Variants in NTM observed in about 807,000 individuals in gnomAD.
NTM encodes neurotrimin, also known as IgLON family member 2.
NTM carries 13 observed loss-of-function variants against 42.1 expected under a neutral mutation model. The ratio of observed to expected loss-of-function variants is 0.31; its 90% confidence interval spans 0.20 to 0.49. NTM has a LOEUF of 0.49. Ranked by LOEUF, NTM falls within the 20% of genes least tolerant of loss-of-function variation. The pLI is 0.99. For synonymous variants in NTM, 187 were observed against 179.2 expected (o/e 1.04, Z -0.35); for missense variants, 373 against 452.8 (o/e 0.82, Z 1.60).
intron 1 of NTM, among the ~76,000 whole-genome samples, chr11:131,746,056 C>T (rs971933694): frequency 2.0e-5 from 3 of 152,116 alleles, no homozygotes; most frequent in African/African-American, 7.2e-5. Flanking sequence ...GTTCCCAACC[C>T]TCAGCCTGGC....
chr11:131,876,234 G>C (rs1051464608), intron 1 of NTM, among the ~76,000 whole-genome samples: 11 of 152,164 alleles, frequency 7.2e-5, no homozygotes, highest in African/African-American at 2.7e-4. Flanking sequence ...CAGCTGTGTG[G>C]GTGCCTGTGT....
intron 1 of NTM, among the ~76,000 whole-genome samples, chr11:131,464,619 C>T (rs928837763): frequency 3.3e-5 from 5 of 152,184 alleles, no homozygotes; most frequent in African/African-American, 9.7e-5. Context: ...TCTACATACT[C>T]AGGCAGTCTG....
chr11:132,143,385 G>A (rs1850113971), intron 2 of NTM, among the ~76,000 whole-genome samples: 1 of 152,186 alleles, frequency 6.6e-6, no homozygotes, highest in African/African-American at 2.4e-5. Context: ...CTGATGCACA[G>A]TGAATTTGAG....
intron 1 of NTM, among the ~76,000 whole-genome samples, chr11:131,776,642 C>T (rs116842273): frequency 0.014 from 2,089 of 152,018 alleles, 15 homozygotes; most frequent in Non-Finnish European, 0.02. Context: ...GTTAGGGTAA[C>T]GTTAGCTGCT....
chr11:131,398,474 A>AT (rs1168669577), intron 1 of NTM, among the ~76,000 whole-genome samples: 1 of 151,798 alleles, frequency 6.6e-6, no homozygotes, highest in African/African-American at 2.4e-5. Context: ...TTTATATCTC[A>AT]TTTTTTTCTT....
chr11:131,495,196 C>T (rs529653194), intron 1 of NTM, among the ~76,000 whole-genome samples: 4 of 152,176 alleles, frequency 2.6e-5, no homozygotes, highest in Admixed American at 6.5e-5. Context: ...TACACATAGC[C>T]GCTAGTTCCC....
At chr11:132,274,820 G>A (rs185049993) in intron 4 of NTM, among the ~76,000 whole-genome samples, 61 of 152,180 alleles carry the variant, frequency 4.0e-4, no homozygotes, top group Non-Finnish European at 7.8e-4. Flanking sequence ...TCCAGTGAGT[G>A]TTCAGCGCTG....
chr11:132,118,732 T>A (rs1307634124), intron 2 of NTM, among the ~76,000 whole-genome samples: 1 of 152,214 alleles, frequency 6.6e-6, no homozygotes, highest in Non-Finnish European at 1.5e-5. Flanking sequence ...TCTCTGGATG[T>A]TCCCTTACGT....
At position 132,319,119 on chromosome 11, in the gene NTM, G is replaced by A. The variant is rs1022816250; in HGVS notation, c.934+4416G>A. 4.7e-4 allele frequency among the ~76,000 whole-genome samples: 71 copies of A among 152,216 alleles called. 1 individual carries two copies. The highest frequency in any genetic ancestry group is 1.7e-3 in the African/African-American group (69 of 41,474). ...CACAGACGTAAAATAGAGAGCAGTA[G>A]AAAAGTGGCTAACAGCTGAGGAGCC... On this transcript the variant is annotated intron_variant, in intron 7 of 8. Transcript: ENST00000683400.
intron 4 of NTM, among the ~76,000 whole-genome samples, chr11:132,266,992 G>A (rs562797541): frequency 4.2e-4 from 64 of 152,246 alleles, no homozygotes; most frequent in South Asian, 2.3e-3. Context: ...AAATCATGAC[G>A]GAAATAACCA....
At chr11:132,171,575 A>G (rs567423412) in intron 3 of NTM, among the ~76,000 whole-genome samples, 1 of 152,176 alleles carries the variant, frequency 6.6e-6, no homozygotes, top group Non-Finnish European at 1.5e-5. Context: ...CTCAAAAACC[A>G]TCATCTTAGA....
intron 2 of NTM, among the ~76,000 whole-genome samples, chr11:131,995,335 C>T (rs2067798857): frequency 2.6e-5 from 4 of 152,138 alleles, no homozygotes; most frequent in Admixed American, 2.6e-4. Context: ...ATGGGACTGC[C>T]ATTCTACTGC....
At chr11:131,756,647 C>T (rs2083379071) in intron 1 of NTM, among the ~76,000 whole-genome samples, 1 of 152,056 alleles carries the variant, frequency 6.6e-6, no homozygotes, top group Non-Finnish European at 1.5e-5. Flanking sequence ...GTGATCACAG[C>T]ACTGCACTCC....
At chr11:131,434,393 C>T (rs1008812844) in intron 1 of NTM, among the ~76,000 whole-genome samples, 1 of 152,214 alleles carries the variant, frequency 6.6e-6, no homozygotes, top group Non-Finnish European at 1.5e-5. Context: ...AACTAATTTA[C>T]ACTCCCACCA....
At position 132,238,623 on chromosome 11, in the gene NTM, G is replaced by A. The variant is rs538906070; in HGVS notation, c.526+26476G>A. Among the ~76,000 whole-genome samples the A allele has an allele frequency of 5.9e-5, 9 of 152,292 alleles. No individual in the cohort carries two copies. In the East Asian group the frequency reaches 1.7e-3, roughly 29 times the overall value. ...CCTCCCAGAGCTCTGGCCATTTGCT[G>A]AGCTCATAGCAGCCTGCGTGTGGAC... is the stretch of plus-strand genomic sequence containing the variant. On this transcript the variant is annotated intron_variant, in intron 4 of 8. Transcript: ENST00000683400.
chr11:131,947,569 C>T (rs765071108), intron 2 of NTM, among the ~76,000 whole-genome samples: 3 of 152,154 alleles, frequency 2.0e-5, no homozygotes, highest in Admixed American at 6.5e-5. Context: ...GGATGATACA[C>T]GCTGGTATGA....
intron 1 of NTM, among the ~76,000 whole-genome samples, chr11:131,677,060 C>T (rs73583654): frequency 0.037 from 5,562 of 152,236 alleles, 332 homozygotes; most frequent in African/African-American, 0.13. Flanking sequence ...CCCAAATCAC[C>T]AGCAGCTAGA....
intron 1 of NTM, among the ~76,000 whole-genome samples, chr11:131,863,253 G>A (rs926598677): frequency 5.3e-5 from 8 of 152,210 alleles, no homozygotes; most frequent in Non-Finnish European, 1.2e-4. Context: ...CAGGGCTGCT[G>A]TCTCTGGCAC....
chr11:132,147,214 T>TGTGTGA (rs1337361068), intron 3 of NTM, among the ~76,000 whole-genome samples: 121 of 122,888 alleles, frequency 9.8e-4, no homozygotes, highest in African/African-American at 3.0e-3. Flanking sequence ...TGTGTGTGTG[T>TGTGTGA]GAGAGAGAGA....
Sources: gnomAD v4.1 joint callset for allele counts (sites outside exome capture counted in the v4.1 genomes callset) on GRCh38, gnomAD v4.1.1 for gene constraint, MANE v1.5 for transcripts, NCBI Gene and HGNC (gene_info 2026-07-23, HGNC 2026-07-21) for gene names.